PCDH15: variants seen among roughly 807,000 people sequenced by gnomAD.
PCDH15 encodes protocadherin related 15.
PCDH15 carries 129 observed loss-of-function variants against 178.5 expected under a neutral mutation model. The ratio of observed to expected loss-of-function variants is 0.72; its 90% confidence interval spans 0.63 to 0.84. The LOEUF (loss-of-function observed/expected upper bound fraction) is 0.84, where lower values mean the gene tolerates loss of function less well. PCDH15 is among the 40% of genes least tolerant of loss of function. PCDH15 has a pLI of 0.00. For missense variants in PCDH15, 2,230 were observed against 2,099.9 expected (o/e 1.06, Z -1.21); for synonymous variants, 800 against 732.0 (o/e 1.09, Z -1.50).
At chr10:54,914,935 G>A (rs1954875492) in intron 2 of PCDH15, among the ~76,000 whole-genome samples, 1 of 152,132 alleles carries the variant, frequency 6.6e-6, no homozygotes, top group Non-Finnish European at 1.5e-5. Context: ...AGCAGAAAAA[G>A]CAAAGATACA....
chr10:54,771,027 C>T (rs1474227003), intron 1 of PCDH15, among the ~76,000 whole-genome samples: 1 of 152,006 alleles, frequency 6.6e-6, no homozygotes, highest in African/African-American at 2.4e-5. Flanking sequence ...TACATCTGTT[C>T]TTGATATTCT....
intron 1 of PCDH15, among the ~76,000 whole-genome samples, chr10:54,695,496 G>A (rs2095208648): frequency 6.6e-6 from 1 of 152,132 alleles, no homozygotes. Context: ...AACTTATCTG[G>A]AAAATTTAGC....
intron 2 of PCDH15, among the ~76,000 whole-genome samples, chr10:55,070,459 G>T (rs2132012070): frequency 6.6e-6 from 1 of 152,200 alleles, no homozygotes; most frequent in Non-Finnish European, 1.5e-5. Context: ...TTTTGTATAA[G>T]GTGTAAGGAA....
intron 20 of PCDH15, among the ~76,000 whole-genome samples, chr10:53,997,564 AC>A (rs2091914036): frequency 1.3e-5 from 2 of 152,168 alleles, no homozygotes; most frequent in African/African-American, 4.8e-5. Flanking sequence ...GAAATTTAAA[AC>A]CTTAATGTCA....
At chr10:54,644,063 G>A (rs1353517934) in intron 2 of PCDH15, among the ~76,000 whole-genome samples, 2 of 139,540 alleles carry the variant, frequency 1.4e-5, no homozygotes, top group East Asian at 4.3e-4. Context: ...GTGAGAACAT[G>A]TGGTGTTTGG....
intron 2 of PCDH15, among the ~76,000 whole-genome samples, chr10:54,609,998 T>C (rs934081939): frequency 4.6e-5 from 7 of 152,004 alleles, no homozygotes; most frequent in Non-Finnish European, 1.0e-4. Flanking sequence ...GATACTTTTA[T>C]TAACAATACT....
chr10:54,394,753 G>A (rs894725563), intron 3 of PCDH15, among the ~76,000 whole-genome samples: 1 of 152,116 alleles, frequency 6.6e-6, no homozygotes, highest in Non-Finnish European at 1.5e-5. Context: ...GAAGACTGGG[G>A]TCTATTTCAT....
chr10:54,429,193 A>C (rs1234990097), intron 3 of PCDH15, among the ~76,000 whole-genome samples: 5 of 152,182 alleles, frequency 3.3e-5, no homozygotes, highest in Non-Finnish European at 2.9e-5. Flanking sequence ...GGAGATTTTC[A>C]AGTGTAGAAT....
At position 54,974,679 on chromosome 10, in the gene PCDH15, A is replaced by G. The variant is rs1839022458; in HGVS notation, c.-79-77179T>C. ...TAAAATAAATATATATTTCCATGAA[A>G]ACCCTTCAGAGTTGTAAAAGGTTGA... On this transcript the variant is annotated intron_variant, in intron 2 of 5. Transcript: ENST00000458638. Among the ~76,000 whole-genome samples the G allele has an allele frequency of 2.0e-5, 3 of 152,074 alleles. No individual in the cohort carries two copies. The South Asian group carries it at 6.2e-4, about 31-fold the overall frequency.
chr10:55,186,095 A>T (rs1056342461), intron 1 of PCDH15, among the ~76,000 whole-genome samples: 1 of 151,724 alleles, frequency 6.6e-6, no homozygotes, highest in Non-Finnish European at 1.5e-5. Context: ...CATAAAACAA[A>T]TGTTAGAAGA....
chr10:54,422,514 A>T (rs1212366973), intron 3 of PCDH15, among the ~76,000 whole-genome samples: 1 of 152,298 alleles, frequency 6.6e-6, no homozygotes, highest in Non-Finnish European at 1.5e-5. Flanking sequence ...ACAGCTTCTC[A>T]ACATCGGCAC....
At chr10:54,187,237 C>A (rs976345025) in intron 11 of PCDH15, among the ~76,000 whole-genome samples, 1 of 151,882 alleles carries the variant, frequency 6.6e-6, no homozygotes. Context: ...TTCCTTTATA[C>A]CTTAATTCTC....
rs898510053 is a variant in PCDH15 at position 53,821,258 on chromosome 10, G to T, written c.4368-1028C>A. ...ACTACTAAGATAAAAGCAAGTCAGA[G>T]TAAAAGATGTTCTTATCAGAAAACA... On this transcript the variant is annotated intron_variant, in intron 32 of 37. Transcript: ENST00000644397. 6.1e-5 allele frequency: 60 copies of T among 984,862 alleles called. No homozygotes were observed. Among genetic ancestry groups the T allele is most frequent in the South Asian group, 9.4e-5 (2 of 21,362 alleles). The allele number at this position is 984,862 out of a possible 1,614,324, so 61.0% of individuals were successfully genotyped here. A position where few individuals can be genotyped will look rare whatever the true frequency, so the allele number is the denominator to read the frequency against.
chr10:54,290,674 A>AG (rs2059343145), intron 8 of PCDH15, among the ~76,000 whole-genome samples: 1 of 152,208 alleles, frequency 6.6e-6, no homozygotes, highest in Non-Finnish European at 1.5e-5. Flanking sequence ...AGACGAATAT[A>AG]GGCTCAAAAT....
intron 18 of PCDH15, among the ~76,000 whole-genome samples, chr10:54,030,256 A>T (rs2093253812): frequency 6.6e-6 from 1 of 151,990 alleles, no homozygotes; most frequent in Non-Finnish European, 1.5e-5. Flanking sequence ...TGAAGTGGGA[A>T]CCATAAAAGC....
chr10:54,775,811 G>A (rs553144237), intron 1 of PCDH15, among the ~76,000 whole-genome samples: 3 of 152,188 alleles, frequency 2.0e-5, no homozygotes, highest in Non-Finnish European at 2.9e-5. Context: ...GCGTGAACCC[G>A]GGAGGCGGAG....
intron 1 of PCDH15, among the ~76,000 whole-genome samples, chr10:55,195,799 CT>C (rs971271213): frequency 1.3e-5 from 2 of 151,726 alleles, no homozygotes; most frequent in African/African-American, 4.9e-5. Context: ...ATGAGATTTG[CT>C]TTTTCATTGT....
intron 3 of PCDH15, among the ~76,000 whole-genome samples, chr10:54,500,004 T>C (rs578095777): frequency 1.3e-5 from 2 of 152,142 alleles, no homozygotes; most frequent in Non-Finnish European, 2.9e-5. Context: ...CATATGTTCA[T>C]TGCAGCAGTA....
intron 3 of PCDH15, among the ~76,000 whole-genome samples, chr10:54,380,635 G>T (rs1949055301): frequency 3.1e-5 from 1 of 32,324 alleles, no homozygotes; most frequent in South Asian, 1.2e-3. Context: ...CTGATTGTGT[G>T]TATGCATGTA....
Sources: gnomAD v4.1 joint callset for allele counts (sites outside exome capture counted in the v4.1 genomes callset) on GRCh38, gnomAD v4.1.1 for gene constraint, MANE v1.5 for transcripts, NCBI Gene and HGNC (gene_info 2026-07-23, HGNC 2026-07-21) for gene names.